The following RCN1 variants were observed in gnomAD, a reference collection of about 807,000 sequenced individuals.
RCN1 encodes reticulocalbin 1, also known as reticulocalbin-1.
A neutral mutation model predicts 34.7 loss-of-function variants in RCN1; 14 were observed. That is an observed-to-expected ratio of 0.40 (90% CI 0.27 to 0.63). The LOEUF is 0.63. Among genes scored for constraint, RCN1 ranks in the 30% least tolerant of loss-of-function variants. The pLI is 0.37. For missense variants in RCN1, 326 were observed against 425.1 expected, an observed-to-expected ratio of 0.77 and a Z score of 2.05; for synonymous variants, 125 against 165.5, an observed-to-expected ratio of 0.76 and a Z score of 1.88.
intron 2 of RCN1, among the ~76,000 whole-genome samples, chr11:32,097,558 A>C (rs930148421): frequency 1.3e-5 from 2 of 152,128 alleles, no homozygotes; most frequent in African/African-American, 4.8e-5. Flanking sequence ...AGGGCTAATA[A>C]AAAAAATCCC....
chr11:32,101,890 A>G (rs1402030441), intron 4 of RCN1: 1 of 152,222 alleles, frequency 6.6e-6, no homozygotes. Context: ...AGTGCTTTTG[A>G]TTGAAAGTGT....
In RCN1 at chr11:32,091,093, G is replaced by GCCCCAA. The variant is rs949817033; in HGVS notation, c.-100_-95dup. On this transcript the variant is annotated 5_prime_UTR_variant, in exon 1 of 6. Transcript: ENST00000054950. ...CTGGCCAGTCCCCTCCTCCGCGCCG[G>GCCCCAA]CCCCAACCCTGTCGCTGCCGCCGCG... The GCCCCAA allele has an allele frequency of 2.3e-6, 3 of 1,306,272 alleles. No individual in the cohort carries two copies. Among genetic ancestry groups the GCCCCAA allele is most frequent in the Non-Finnish European group, 3.0e-6 (3 of 1,015,080 alleles). The allele number at this position is 1,306,272 out of a possible 1,614,324, so 80.9% of individuals were successfully genotyped here.
intron 1 of RCN1, 69 bp downstream of exon 1, chr11:32,091,519 G>A: frequency 6.6e-7 from 1 of 1,510,032 alleles, no homozygotes; most frequent in Non-Finnish European, 8.9e-7. Flanking sequence ...CGAGAGCCAC[G>A]CGGGATACCA....
intron 1 of RCN1, among the ~76,000 whole-genome samples, chr11:32,096,021 T>G (rs1229780164): frequency 6.6e-6 from 1 of 152,008 alleles, no homozygotes; most frequent in Non-Finnish European, 1.5e-5. Context: ...TAAAAAAAAG[T>G]TATAGGAGAT....
chr11:32,097,370 G>A lies in RCN1; in HGVS notation c.448+33G>A, dbSNP rs189075889. ...GTGCTGCAGGAGCGATGACACAGTG[G>A]GGGCCCAGATCACAAGCTTTTTGTA... On this transcript the variant is annotated intron_variant, in intron 2 of 5. Transcript: ENST00000054950. The A allele has an allele frequency of 2.8e-5, 42 of 1,476,552 alleles. No individual in the cohort carries two copies. In the African/African-American group the frequency reaches 5.0e-4, roughly 18 times the overall value. 91.5% of individuals were successfully genotyped at this position (1,476,552 alleles called of 1,614,324 possible).
chr11:32,101,069 G>A (rs937809657), intron 4 of RCN1, among the ~76,000 whole-genome samples: 3 of 152,186 alleles, frequency 2.0e-5, no homozygotes, highest in Non-Finnish European at 4.4e-5. Context: ...TTGCAGAAAG[G>A]CATTCTTCTT....
chr11:32,091,563 C>A, intron 1 of RCN1, 113 bp downstream of exon 1: 1 of 1,375,998 alleles, frequency 7.3e-7, no homozygotes, highest in Non-Finnish European at 9.7e-7. Context: ...CGCGCGCGGC[C>A]TCGAGGATGG....
Position 32,094,995 on chromosome 11 carries a change from T to G in RCN1, c.255-2149T>G, listed in dbSNP as rs546982038. ...GGCTGAGCTATGTCCTAGATGTTTATTTGGCATAGATTAGATGCTGTCCTT... is the reference window on the plus strand; with the variant it reads ...GGCTGAGCTATGTCCTAGATGTTTAGTTGGCATAGATTAGATGCTGTCCTT... On this transcript the variant is annotated intron_variant, in intron 1 of 5. Coordinates refer to ENST00000054950, the MANE Select transcript of RCN1 (RefSeq NM_002901.4). 5.3e-5 allele frequency among the ~76,000 whole-genome samples: 8 copies of G among 152,350 alleles called. No individual in the cohort carries two copies. The South Asian group carries it at 1.5e-3, about 28-fold the overall frequency.
intron 4 of RCN1, 25 bp from the exon 5 acceptor site, chr11:32,103,256 A>G (rs1192702475): frequency 6.2e-6 from 10 of 1,609,700 alleles, no homozygotes; most frequent in Non-Finnish European, 8.5e-6. Flanking sequence ...TTTCCTTTGT[A>G]ACCAACAATA....
chr11:32,104,078 G>A (rs1852079475), intron 5 of RCN1, among the ~76,000 whole-genome samples: 1 of 152,196 alleles, frequency 6.6e-6, no homozygotes, highest in South Asian at 2.1e-4. Flanking sequence ...GCATTCTTGA[G>A]GGCCTATTTT....
intron 4 of RCN1, 68 bp downstream of exon 4, chr11:32,100,676 GCTACTTTCCCCAGACGTCT>G: frequency 7.7e-7 from 1 of 1,291,864 alleles, no homozygotes; most frequent in South Asian, 1.2e-5. Flanking sequence ...CACACGTCTG[GCTACTTTCCCCAGACGTCT>G]CTTTTAGCAA....
rs1852026438 is a variant in RCN1 at position 32,100,614 on chromosome 11, T to A, written c.688+6T>A. On this transcript the variant is annotated splice_donor_region_variant and intron_variant, in intron 4 of 5. Transcript: ENST00000054950. ...GGATCAGGATGAGTATATTGGTGAG[T>A]ACTGACCTAGAGTCTTGCTCAGCTG... 6.2e-7 allele frequency: 1 copy of A among 1,612,186 alleles called. No individual in the cohort carries two copies. Among genetic ancestry groups the A allele is most frequent in the African/African-American group, 1.3e-5 (1 of 74,872 alleles).
intron 1 of RCN1, among the ~76,000 whole-genome samples, chr11:32,092,261 T>C (rs1851931172): frequency 6.6e-6 from 1 of 152,068 alleles, no homozygotes; most frequent in African/African-American, 2.4e-5. Context: ...GGGCCGAGAT[T>C]GCGCCACTGC....
chr11:32,092,072 G>A (rs1851928230), intron 1 of RCN1, among the ~76,000 whole-genome samples: 1 of 151,902 alleles, frequency 6.6e-6, no homozygotes, highest in Admixed American at 6.6e-5. Context: ...GAGGCGGGGG[G>A]AGGGGTGGGG....
intron 4 of RCN1, among the ~76,000 whole-genome samples, chr11:32,101,757 T>C (rs1042664081): frequency 8.5e-5 from 13 of 152,214 alleles, no homozygotes; most frequent in African/African-American, 3.1e-4. Context: ...GAGCAAGCAG[T>C]TGAGCCTTCC....
intron 4 of RCN1, among the ~76,000 whole-genome samples, chr11:32,101,055 C>G (rs940819196): frequency 7.9e-5 from 12 of 152,344 alleles, no homozygotes; most frequent in African/African-American, 2.6e-4. Flanking sequence ...TGTGTCTGAG[C>G]ACTTTGCAGA....
chr11:32,091,444 G>T lies in RCN1; in HGVS notation c.248G>T (p.Arg83Met), dbSNP rs1322289035. 1 of 1,544,310 alleles carries T rather than the reference G, an allele frequency of 6.5e-7. No individual in the cohort carries two copies. The highest frequency in any genetic ancestry group is 1.4e-5 in the African/African-American group (1 of 72,274). The change falls in exon 1 of 6, where the codon AGG (arginine) becomes ATG (methionine). Residue 83 changes from arginine (R) to methionine (M), a missense_variant. Physicochemically the swap from Arg to Met is moderately conservative, Grantham distance 91. Transcript: ENST00000054950. ...DQLTPDESKE[R>M]LGKIVDRIDN... is the part of the protein sequence containing the mutation. ...CTCACCCCGGACGAGAGCAAGGAGAGGCTAGGGTGAGGCCGCGGCCAGGGC... is the reference window on the plus strand; with the variant it reads ...CTCACCCCGGACGAGAGCAAGGAGATGCTAGGGTGAGGCCGCGGCCAGGGC...
At chr11:32,094,685 G>A (rs754310737) in intron 1 of RCN1, among the ~76,000 whole-genome samples, 1 of 152,168 alleles carries the variant, frequency 6.6e-6, no homozygotes, top group Non-Finnish European at 1.5e-5. Flanking sequence ...ATTGTCTTTA[G>A]TGAGGAAAAG....
In RCN1 at chr11:32,098,463, C is replaced by T. The variant is rs751033494; in HGVS notation, c.562C>T (p.Arg188Trp). 9.9e-6 allele frequency: 16 copies of T among 1,613,902 alleles called. No individual in the cohort carries two copies. Among genetic ancestry groups the T allele is most frequent in the African/African-American group, 8.0e-5 (6 of 74,902 alleles). Residue 188 changes from arginine (R) to tryptophan (W), a missense_variant, in exon 3 of 6, where the codon CGG becomes TGG. Arg to Trp is a moderately radical substitution (Grantham distance 101). Transcript: ENST00000054950. ...CCTCAATGGTGACCTGACAGCTACT[C>T]GGGAGGAGTTCACTGCCTTTCTGCA... is the stretch of plus-strand genomic sequence containing the variant. ...ADLNGDLTAT[R>W]EEFTAFLHPE... is the part of the protein sequence containing the mutation.
Sources: gnomAD v4.1 joint callset for allele counts (sites outside exome capture counted in the v4.1 genomes callset) on GRCh38, gnomAD v4.1.1 for gene constraint, MANE v1.5 for transcripts, NCBI Gene and HGNC (gene_info 2026-07-23, HGNC 2026-07-21) for gene names.